The following JAG2 variants were observed in gnomAD, a reference collection of about 807,000 sequenced individuals.
JAG2 encodes jagged canonical Notch ligand 2.
Under a neutral mutation model 141.7 loss-of-function variants are expected in JAG2, and 46 were observed. The ratio of observed to expected loss-of-function variants is 0.32; its 90% CI spans 0.26 to 0.42. The LOEUF is 0.42. JAG2 is among the 10% of genes least tolerant of loss of function. The pLI is 1.00. For missense variants in JAG2, 1,500 were observed against 1,817.5 expected, an observed-to-expected ratio of 0.83 and a Z score of 3.18; for synonymous variants, 862 against 763.5, an observed-to-expected ratio of 1.13 and a Z score of -2.13.
In JAG2 at chr14:105,155,856, G is replaced by A. The variant is rs769324359; in HGVS notation, c.609C>T (p.Tyr203=). 19 of 1,612,430 alleles carry A rather than the reference G, an allele frequency of 1.2e-5. No homozygotes were observed. The highest frequency in any genetic ancestry group is 1.5e-5 in the Non-Finnish European group (18 of 1,179,818). ...QIRVRCDENY[Y]SATCNKFCRP... ...GGCAGAACTTGTTGCAAGTGGCGCTGTAGTAGTTCTCGTCGCAGCGCACGC... is the reference window on the plus strand; with the variant it reads ...GGCAGAACTTGTTGCAAGTGGCGCTATAGTAGTTCTCGTCGCAGCGCACGC... Residue 203 remains tyrosine, a synonymous_variant, in exon 4 of 26, where the codon TAC becomes TAT. Coordinates refer to ENST00000331782, the MANE Select transcript of JAG2 (RefSeq NM_002226.5).
intron 2 of JAG2, among the ~76,000 whole-genome samples, chr14:105,161,294 C>T (rs1395921062): frequency 1.3e-5 from 2 of 151,824 alleles, no homozygotes; most frequent in Non-Finnish European, 2.9e-5. Context: ...CAGGAACCAG[C>T]AGGACCAGGA....
chr14:105,158,340 A>G (rs1595184832), intron 2 of JAG2, among the ~76,000 whole-genome samples: 1 of 152,254 alleles, frequency 6.6e-6, no homozygotes, highest in African/African-American at 2.4e-5. Context: ...AGGCAAACCC[A>G]CACCTACCTC....
At position 105,152,311 on chromosome 14, in the gene JAG2, C is replaced by A; in HGVS notation, c.789-20G>T. On this transcript the variant is annotated intron_variant, in intron 5 of 25. Transcript: ENST00000331782. ...CTGCACCTGGGGGAAGGAGGAGGGGCGCAAGACCCAGTGAGCTGTGGTGCC... is the reference window on the plus strand; with the variant it reads ...CTGCACCTGGGGGAAGGAGGAGGGGAGCAAGACCCAGTGAGCTGTGGTGCC... The A allele has an allele frequency of 3.1e-6, 5 of 1,611,240 alleles. No individual in the cohort carries two copies. The highest frequency in any genetic ancestry group is 4.2e-6 in the Non-Finnish European group (5 of 1,179,118).
chr14:105,152,299 AAGG>A lies in JAG2; in HGVS notation c.789-11_789-9del. On this transcript the variant is annotated splice_polypyrimidine_tract_variant and intron_variant, in intron 5 of 25. Transcript: ENST00000331782. ...TGCCAGCCGTAGCTGCACCTGGGGGAAGGAGGAGGGGCGCAAGACCCAGTGAGC... is the reference window on the plus strand; with the variant it reads ...TGCCAGCCGTAGCTGCACCTGGGGGAAGGAGGGGCGCAAGACCCAGTGAGC... The A allele has an allele frequency of 1.2e-6, 2 of 1,612,560 alleles. No homozygotes were observed. The highest frequency in any genetic ancestry group is 1.7e-6 in the Non-Finnish European group (2 of 1,179,664).
Position 105,143,144 on chromosome 14 carries a change from C to A in JAG2, c.3268G>T (p.Ala1090Ser), listed in dbSNP as rs1595170657. ...CACGCCAGCCACAGCACGCTGAAGGCACCACACAGCACAGGCACCAGCAGA... is the reference window on the plus strand; with the variant it reads ...CACGCCAGCCACAGCACGCTGAAGGAACCACACAGCACAGGCACCAGCAGA... ...TGLLVPVLCG[A>S]FSVLWLACVV... The change falls in exon 26 of 26, where the codon GCC (alanine) becomes TCC (serine). Residue 1090 changes from alanine to serine, a missense_variant. Ala to Ser is a moderately conservative substitution (Grantham distance 99). Around this residue, in one of 3 missense-constraint regions of JAG2, gnomAD observed 425 missense variants for 441.0 expected, o/e 0.96. Coordinates refer to ENST00000331782, the MANE Select transcript of JAG2 (RefSeq NM_002226.5). 1 of 1,598,510 alleles carries A rather than the reference C, an allele frequency of 6.3e-7. No individual in the cohort carries two copies. Among genetic ancestry groups the A allele is most frequent in the African/African-American group, 1.3e-5 (1 of 74,926 alleles).
At chr14:105,147,061 G>A (rs1001199461) in intron 20 of JAG2, 33 of 603,942 alleles carry the variant, frequency 5.5e-5, no homozygotes, top group Middle Eastern at 4.4e-4. Context: ...AGGAGCCCAC[G>A]TCAGGCTGCA....
rs372948938 is a variant in JAG2, at chr14:105,154,898, T to C, written c.788+664A>G. Among the ~76,000 whole-genome samples, 53 of 151,728 alleles carry C rather than the reference T, an allele frequency of 3.5e-4. 2 individuals are homozygous for C. The East Asian group carries it at 4.7e-3, about 13-fold the overall frequency. Reference sequence around the variant, plus strand: ...CTGACTCCACACCCTTCCTGCTTGATCAAATCCATCCACAAACCCCTGGGC... The same window carrying C: ...CTGACTCCACACCCTTCCTGCTTGACCAAATCCATCCACAAACCCCTGGGC... On this transcript the variant is annotated intron_variant, in intron 5 of 25. Coordinates refer to ENST00000331782, the MANE Select transcript of JAG2 (RefSeq NM_002226.5). This position sits in a 1 kb window ranked among gnomAD's most constrained non-coding sequence, Gnocchi z 4.4.
At position 105,155,859 on chromosome 14, in the gene JAG2, G is replaced by A. The variant is rs775023075; in HGVS notation, c.606C>T (p.Tyr202=). 2.5e-6 allele frequency: 4 copies of A among 1,612,508 alleles called. No individual in the cohort carries two copies. The highest frequency in any genetic ancestry group is 1.7e-5 in the Admixed American group (1 of 59,972). ...AGAACTTGTTGCAAGTGGCGCTGTA[G>A]TAGTTCTCGTCGCAGCGCACGCGGA... The part of the protein sequence containing the change: ...LQIRVRCDEN[Y]YSATCNKFCR... The change falls in exon 4 of 26, where the codon TAC becomes TAT. Residue 202 remains tyrosine (Y), a synonymous_variant. Coordinates refer to ENST00000331782, the MANE Select transcript of JAG2 (RefSeq NM_002226.5).
rs146843591 is a variant in JAG2 at position 105,142,720 on chromosome 14, T to G, written c.3692A>C (p.Glu1231Ala). The change falls in exon 26 of 26, where the codon GAG (glutamate) becomes GCG (alanine). Residue 1231 changes from glutamate (E) to alanine (A), a missense_variant. This residue lies in a region of JAG2 where 425 missense variants were observed against 441.0 expected (regional missense o/e 0.96). Transcript: ENST00000331782. ...CTACTCCTTGCCGGCGTAGCGGGCCTCATTGATGCTCCTGACCGCGCGGTT... is the reference window on the plus strand; with the variant it reads ...CTACTCCTTGCCGGCGTAGCGGGCCGCATTGATGCTCCTGACCGCGCGGTT... ...VDNRAVRSIN[E>A]ARYAGKE 2 of 1,606,272 alleles carry G rather than the reference T, an allele frequency of 1.2e-6. No individual in the cohort carries two copies. The highest frequency in any genetic ancestry group is 2.7e-5 in the African/African-American group (2 of 74,650).
At chr14:105,143,843 C>T (rs1811831970) in intron 24 of JAG2, among the ~76,000 whole-genome samples, 1 of 150,726 alleles carries the variant, frequency 6.6e-6, no homozygotes, top group African/African-American at 2.5e-5. Flanking sequence ...CTGTCCCCAT[C>T]CGGGCACACA....
intron 2 of JAG2, among the ~76,000 whole-genome samples, chr14:105,162,664 G>T (rs1566770108): frequency 2.8e-5 from 4 of 144,788 alleles, no homozygotes; most frequent in Non-Finnish European, 4.4e-5. Flanking sequence ...GCACCTTAAA[G>T]CCCAGGACAC....
At position 105,149,136 on chromosome 14, in the gene JAG2, C is replaced by A. The variant is rs930469746; in HGVS notation, c.1753+34G>T. ...GGAGTCAGGCCCGCCCCTGCCCCAC[C>A]ACCTCCCCCACCACCCCATGCCGCA... is the stretch of plus-strand genomic sequence containing the variant. On this transcript the variant is annotated intron_variant, in intron 13 of 25. Transcript: ENST00000331782. 2.0e-6 allele frequency: 3 copies of A among 1,533,892 alleles called. No homozygotes were observed. In the East Asian group the frequency reaches 7.0e-5, roughly 36 times the overall value.
intron 5 of JAG2, among the ~76,000 whole-genome samples, chr14:105,153,297 C>T (rs587684127): frequency 2.6e-5 from 4 of 152,356 alleles, no homozygotes; most frequent in South Asian, 2.1e-4. Context: ...AAACTGAGGC[C>T]GGGAAGAACG....
intron 2 of JAG2, among the ~76,000 whole-genome samples, chr14:105,160,414 G>A (rs951636683): frequency 2.1e-5 from 3 of 143,404 alleles, no homozygotes; most frequent in Non-Finnish European, 3.0e-5. Flanking sequence ...GCACCCAGCC[G>A]CTTCCCAGGC....
In JAG2 at chr14:105,151,075, G is replaced by C; in HGVS notation, c.1297C>G (p.Leu433Val). The change falls in exon 10 of 26, where the codon CTT (leucine) becomes GTT (valine). Residue 433 changes from leucine to valine, a missense_variant. By Grantham distance (32) the Leu-to-Val change is conservative. This residue lies in a region of JAG2 where 875 missense variants were observed against 1,202.2 expected (regional missense o/e 0.73). Transcript: ENST00000331782. ...AGGTTTTTGCAAGAAAAAGCGTTAA[G>C]GCATGGCTTCCCTTCACACTCATTG... Reference protein sequence around the residue: ...DANECEGKPCLNAFSCKNLIG... With the variant: ...DANECEGKPCVNAFSCKNLIG... The C allele has an allele frequency of 6.2e-7, 1 of 1,613,088 alleles. No individual in the cohort carries two copies. Among genetic ancestry groups the C allele is most frequent in the Non-Finnish European group, 8.5e-7 (1 of 1,179,720 alleles).
intron 2 of JAG2, among the ~76,000 whole-genome samples, chr14:105,166,458 A>ATGCCCGCCCC (rs1375112982): frequency 6.6e-5 from 10 of 152,194 alleles, no homozygotes; most frequent in African/African-American, 2.4e-4. Flanking sequence ...GGGCCCTCCC[A>ATGCCCGCCCC]TGCCCGCCCC....
intron 2 of JAG2, among the ~76,000 whole-genome samples, chr14:105,166,221 C>T (rs757435497): frequency 2.6e-5 from 4 of 152,370 alleles, no homozygotes; most frequent in South Asian, 4.1e-4. Context: ...CCGGCTGGCC[C>T]GCGGGGCGAA....
chr14:105,143,218 G>A, intron 25 of JAG2, 48 bp from the exon 26 acceptor site: 1 of 1,559,792 alleles, frequency 6.4e-7, no homozygotes, highest in Non-Finnish European at 8.6e-7. Flanking sequence ...CTGGGCACCT[G>A]CGGGGCACTA....
At position 105,142,714 on chromosome 14, in the gene JAG2, C is replaced by CGG. The variant is rs1566757321; in HGVS notation, c.3696_3697dup (p.Arg1233ProfsTer138). ...CCGCCCCTACTCCTTGCCGGCGTAG[C>CGG]GGGCCTCATTGATGCTCCTGACCGC... On this transcript the variant is annotated frameshift_variant, in exon 26 of 26. Transcript: ENST00000331782. LOFTEE classifies it high-confidence loss of function. 1 of 1,603,742 alleles carries CGG rather than the reference C, an allele frequency of 6.2e-7. No homozygotes were observed. Among genetic ancestry groups the CGG allele is most frequent in the Non-Finnish European group, 8.5e-7 (1 of 1,175,718 alleles).
Sources: gnomAD v4.1 joint callset for allele counts (sites outside exome capture counted in the v4.1 genomes callset) on GRCh38, gnomAD v4.1.1 for gene constraint, gnomAD v4.1.1 regional missense constraint, Gnocchi (gnomAD v3.1) non-coding constraint, MANE v1.5 for transcripts, NCBI Gene and HGNC (gene_info 2026-07-23, HGNC 2026-07-21) for gene names.